Variants in LRRN2 observed in about 807,000 individuals in gnomAD.
LRRN2 encodes the protein leucine-rich repeat neuronal protein 2.
In LRRN2, 10 loss-of-function variants were observed where a neutral mutation model predicts 35.7. That is an observed-to-expected ratio of 0.28 (90% confidence interval 0.17 to 0.47). LRRN2 has a LOEUF of 0.47. Among genes scored for constraint, LRRN2 ranks in the 20% least tolerant of loss-of-function variants. The pLI is 0.99. For missense variants in LRRN2, 731 were observed against 940.3 expected (o/e 0.78, Z 2.91); for synonymous variants, 391 against 409.6 (o/e 0.95, Z 0.55).
intron 1 of LRRN2, among the ~76,000 whole-genome samples, chr1:204,658,039 G>A (rs1473725147): frequency 4.2e-5 from 6 of 143,800 alleles, no homozygotes; most frequent in East Asian, 2.0e-4. Context: ...GTGCAATGGC[G>A]TAATCTCGGC....
chr1:204,676,363 A>C lies in LRRN2; in HGVS notation c.-227+8957T>G, dbSNP rs1304070117. ...AAGCTCAGAAAACATAGGATCTTAG[A>C]CCTTTCTGAGCTTTGTACTGCTTCT... On this transcript the variant is annotated intron_variant, in intron 1 of 1. Transcript: ENST00000367177. Among the ~76,000 whole-genome samples the C allele has an allele frequency of 1.9e-4, 8 of 42,974 alleles. No homozygotes were observed. The Admixed American group carries it at 2.7e-3, about 14-fold the overall frequency. The allele number at this position is 42,974 out of a possible 152,430, so 28.2% of individuals were successfully genotyped here.
intron 1 of LRRN2, among the ~76,000 whole-genome samples, chr1:204,667,899 C>T (rs1218597577): frequency 2.0e-5 from 3 of 152,082 alleles, no homozygotes; most frequent in African/African-American, 7.2e-5. Context: ...GCAAAGTAGG[C>T]AGAAGCCACG....
chr1:204,625,043 TCA>T (rs1667235636), intron 1 of LRRN2, among the ~76,000 whole-genome samples: 2 of 152,182 alleles, frequency 1.3e-5, no homozygotes, highest in African/African-American at 4.8e-5. Context: ...TCCCATTTAA[TCA>T]CACACAACCA....
intron 1 of LRRN2, among the ~76,000 whole-genome samples, chr1:204,671,242 G>A (rs979226349): frequency 3.9e-5 from 6 of 152,102 alleles, no homozygotes; most frequent in Admixed American, 1.3e-4. Context: ...AGCTGAGCAT[G>A]AGGGTGGAGG....
In LRRN2 at chr1:204,618,227, T is replaced by A. The variant is rs764448029; in HGVS notation, c.1766A>T (p.Gln589Leu). The A allele has an allele frequency of 1.9e-6, 3 of 1,613,756 alleles. No individual in the cohort carries two copies. In the South Asian group the frequency reaches 3.3e-5, roughly 18 times the overall value. The change falls in exon 2 of 2, where the codon CAG becomes CTG. Residue 589 changes from glutamine (Q) to leucine (L), a missense_variant. By Grantham distance (113) the Gln-to-Leu change is moderately radical. Coordinates refer to ENST00000367177, the MANE Select transcript of LRRN2 (RefSeq NM_201630.2). ...THSYNITRLL[Q>L]ATEYWACLQV... ...CAGGCAGGCCCAGTACTCCGTGGCC[T>A]GAAGGAGGCGGGTAATGTTGTAGCT...
chr1:204,631,710 G>A (rs1383181707), intron 1 of LRRN2, among the ~76,000 whole-genome samples: 1 of 152,050 alleles, frequency 6.6e-6, no homozygotes, highest in Non-Finnish European at 1.5e-5. Flanking sequence ...AATTCACAGG[G>A]GTAGTGTTGC....
Position 204,620,228 on chromosome 1 carries a change from G to C in LRRN2, c.-226-10C>G. ...CCCATCAGGGGCAGCCCTGGAAGAA[G>C]AGGATGCAGAGTTAAGGAGGTTGCA... On this transcript the variant is annotated splice_polypyrimidine_tract_variant and intron_variant, in intron 1 of 1. Coordinates refer to ENST00000367177, the MANE Select transcript of LRRN2 (RefSeq NM_201630.2). The C allele has an allele frequency of 7.0e-7, 1 of 1,435,948 alleles. No individual in the cohort carries two copies. The highest frequency in any genetic ancestry group is 2.6e-5 in the East Asian group (1 of 38,972). The allele number at this position is 1,435,948 out of a possible 1,614,324, so 89.0% of individuals were successfully genotyped here. A position where few individuals can be genotyped will look rare whatever the true frequency, so the allele number is the denominator to read the frequency against.
At chr1:204,635,766 G>C (rs944924713) in intron 1 of LRRN2, among the ~76,000 whole-genome samples, 30 of 152,220 alleles carry the variant, frequency 2.0e-4, no homozygotes, top group Non-Finnish European at 1.3e-4. Flanking sequence ...GGCTGCAAAG[G>C]TAGAAGGTTC....
At position 204,617,575 on chromosome 1, in the gene LRRN2, G is replaced by A. The variant is rs1199246633; in HGVS notation, c.*276C>T. On this transcript the variant is annotated 3_prime_UTR_variant, in exon 2 of 2. Transcript: ENST00000367177. Reference sequence around the variant, plus strand: ...CCCAGGAGCCTCTGGGCAGAGAGAAGATGGGGAGGCAGGAGGCTCTAGCCA... The same window carrying A: ...CCCAGGAGCCTCTGGGCAGAGAGAAAATGGGGAGGCAGGAGGCTCTAGCCA... The A allele has an allele frequency of 2.2e-6, 1 of 451,244 alleles. No individual in the cohort carries two copies. The allele number at this position is 451,244 out of a possible 1,614,324, so 28.0% of individuals were successfully genotyped here.
At chr1:204,679,385 G>T (rs527952821) in intron 1 of LRRN2, among the ~76,000 whole-genome samples, 2 of 152,314 alleles carry the variant, frequency 1.3e-5, no homozygotes, top group Admixed American at 1.3e-4. Flanking sequence ...TGCTTATTTT[G>T]AGAACATTTT....
In LRRN2 at chr1:204,619,864, G is replaced by C; in HGVS notation, c.129C>G (p.Pro43=). ...CACQIRPWYT[P]RSSYREATTV... is the part of the protein sequence containing the mutation. The stretch of plus-strand genomic sequence containing the variant: ...TGGTAGCCTCGCGGTAGGACGAGCG[G>C]GGCGTATACCAGGGCCGGATCTGGC... Residue 43 remains proline, a synonymous_variant, in exon 2 of 2, where the codon CCC becomes CCG. Transcript: ENST00000367177. The C allele has an allele frequency of 6.2e-7, 1 of 1,613,866 alleles. No individual in the cohort carries two copies. Among genetic ancestry groups the C allele is most frequent in the Non-Finnish European group, 8.5e-7 (1 of 1,179,910 alleles).
chr1:204,630,344 G>A (rs1258370987), intron 1 of LRRN2, among the ~76,000 whole-genome samples: 1 of 152,132 alleles, frequency 6.6e-6, no homozygotes, highest in Non-Finnish European at 1.5e-5. Context: ...GAGGGGCTGG[G>A]CTCTGGCGGC....
chr1:204,621,290 A>C (rs1666874875), intron 1 of LRRN2: 1 of 167,256 alleles, frequency 6.0e-6, no homozygotes. Context: ...GCTGCACACA[A>C]ACCTTTTGGG....
In LRRN2 at chr1:204,650,767, C is replaced by T. The variant is rs190898304; in HGVS notation, c.-226-30549G>A. ...TGTTGCTTCAGGAGGGCTGGGGACACGGCACTGAACAACTCAAACACAATC... is the reference window on the plus strand; with the variant it reads ...TGTTGCTTCAGGAGGGCTGGGGACATGGCACTGAACAACTCAAACACAATC... On this transcript the variant is annotated intron_variant, in intron 1 of 1. Transcript: ENST00000367177. Among the ~76,000 whole-genome samples the T allele has an allele frequency of 2.3e-4, 35 of 152,210 alleles. 1 individual carries two copies. In the East Asian group the frequency reaches 5.4e-3, roughly 23 times the overall value.
intron 1 of LRRN2, among the ~76,000 whole-genome samples, chr1:204,669,791 G>C (rs991224515): frequency 1.3e-5 from 2 of 152,212 alleles, no homozygotes; most frequent in African/African-American, 4.8e-5. Flanking sequence ...AGGGAGGGGA[G>C]TGGGGATGCC....
intron 1 of LRRN2, among the ~76,000 whole-genome samples, chr1:204,650,871 G>T (rs544832327): frequency 6.6e-6 from 1 of 152,124 alleles, no homozygotes; most frequent in African/African-American, 2.4e-5. Flanking sequence ...GTAGGGGCTC[G>T]GAAGGAATGA....
At chr1:204,642,962 T>G (rs1476908881) in intron 1 of LRRN2, among the ~76,000 whole-genome samples, 1 of 152,144 alleles carries the variant, frequency 6.6e-6, no homozygotes, top group Non-Finnish European at 1.5e-5. Context: ...TAGACTGTTT[T>G]TCGGACATGG....
rs1403106953 is a variant in LRRN2, at chr1:204,618,272, C to T, written c.1721G>A (p.Arg574His). 11 of 1,606,694 alleles carry T rather than the reference C, an allele frequency of 6.8e-6. No individual in the cohort carries two copies. The highest frequency in any genetic ancestry group is 6.7e-5 in the East Asian group (3 of 44,810). ...GTAGCTGTGGGTTCCCCGAGGCAGG[C>T]GGGCCAGAGCTGTGGCCCCCTGGCC... ...LRGQGATALA[R>H]LPRGTHSYNI... is the part of the protein sequence containing the mutation. The change falls in exon 2 of 2, where the codon CGC becomes CAC. Residue 574 changes from arginine to histidine, a missense_variant. By Grantham distance (29) the Arg-to-His change is conservative. Around this residue, in one of 3 missense-constraint regions of LRRN2, gnomAD observed 229 missense variants for 258.4 expected, o/e 0.89. Transcript: ENST00000367177.
intron 1 of LRRN2, among the ~76,000 whole-genome samples, chr1:204,684,427 G>A (rs1459341485): frequency 6.6e-6 from 1 of 152,148 alleles, no homozygotes; most frequent in Non-Finnish European, 1.5e-5. Flanking sequence ...GGGAGGAAGG[G>A]TAGGGAGCAC....
Sources: gnomAD v4.1 joint callset for allele counts (sites outside exome capture counted in the v4.1 genomes callset) on GRCh38, gnomAD v4.1.1 for gene constraint, gnomAD v4.1.1 regional missense constraint, MANE v1.5 for transcripts, NCBI Gene and HGNC (gene_info 2026-07-23, HGNC 2026-07-21) for gene names.